The following SH3KBP1 variants were observed in gnomAD, a reference collection of about 807,000 sequenced individuals.
SH3KBP1 encodes the protein SH3 domain containing kinase binding protein 1.
A neutral mutation model predicts 50.1 loss-of-function variants in SH3KBP1; 8 were observed. That is an observed-to-expected ratio of 0.16 (90% CI 0.09 to 0.29). SH3KBP1 has a LOEUF of 0.29. Among genes scored for constraint, SH3KBP1 ranks in the 10% least tolerant of loss-of-function variants. The pLI, the probability that SH3KBP1 is intolerant of heterozygous loss-of-function variation, is 1.00. For synonymous variants in SH3KBP1, 227 were observed against 218.6 expected, an observed-to-expected ratio of 1.04 and a Z score of -0.34; for missense variants, 377 against 535.2, an observed-to-expected ratio of 0.70 and a Z score of 2.92.
intron 13 of SH3KBP1, among the ~76,000 whole-genome samples, chrX:19,551,545 T>A (rs1602434249): frequency 1.0e-5 from 1 of 100,358 alleles, no homozygotes. Flanking sequence ...TTTCCCTCCC[T>A]CCCTCTTTTT....
In SH3KBP1 at chrX:19,695,076, C is replaced by T. The variant is rs763060742; in HGVS notation, c.520+536G>A. 2.7e-5 allele frequency: 31 copies of T among 1,164,524 alleles called. No homozygotes were observed. The African/African-American group carries it at 3.9e-4, about 15-fold the overall frequency. Reference sequence around the variant, plus strand: ...CCTGGAGAAAGAAAGACCTGAAGTTCGTTGTCACCATCGTAGAAGGACACA... The same window carrying T: ...CCTGGAGAAAGAAAGACCTGAAGTTTGTTGTCACCATCGTAGAAGGACACA... On this transcript the variant is annotated intron_variant, in intron 5 of 17. Coordinates refer to ENST00000397821, the MANE Select transcript of SH3KBP1 (RefSeq NM_031892.3).
At chrX:19,759,404 AG>A (rs1485978880) in intron 2 of SH3KBP1, among the ~76,000 whole-genome samples, 1 of 112,015 alleles carries the variant, frequency 8.9e-6, no homozygotes, top group Non-Finnish European at 1.9e-5. Context: ...GACCAGCACG[AG>A]GGCCAACGAT....
chrX:19,755,979 A>G (rs1160083931), intron 2 of SH3KBP1, among the ~76,000 whole-genome samples: 4 of 111,199 alleles, frequency 3.6e-5, no homozygotes, highest in African/African-American at 1.3e-4. Flanking sequence ...AGGGACAGAA[A>G]TTGCTCACTC....
chrX:19,816,406 C>A (rs2067356740), intron 2 of SH3KBP1, among the ~76,000 whole-genome samples: 1 of 112,177 alleles, frequency 8.9e-6, no homozygotes, highest in African/African-American at 3.2e-5. Context: ...ATTCTAGATA[C>A]AAGTCCTTTG....
intron 4 of SH3KBP1, among the ~76,000 whole-genome samples, chrX:19,702,497 A>T (rs2063554211): frequency 9.0e-6 from 1 of 111,322 alleles, no homozygotes; most frequent in Non-Finnish European, 1.9e-5. Context: ...CACCCCAAAA[A>T]GTAACCATAA....
At chrX:19,651,812 T>C (rs1602836238) in intron 6 of SH3KBP1, among the ~76,000 whole-genome samples, 1 of 111,804 alleles carries the variant, frequency 8.9e-6, no homozygotes, top group Middle Eastern at 4.6e-3. Flanking sequence ...GTGGGCAACA[T>C]AGCAAGACCT....
intron 13 of SH3KBP1, among the ~76,000 whole-genome samples, chrX:19,567,868 G>A (rs968386014): frequency 1.8e-5 from 2 of 110,201 alleles, no homozygotes; most frequent in African/African-American, 6.6e-5. Context: ...GACCTTGATA[G>A]GTACAAACAG....
At chrX:19,772,512 A>T (rs2065819374) in intron 2 of SH3KBP1, among the ~76,000 whole-genome samples, 1 of 111,049 alleles carries the variant, frequency 9.0e-6, no homozygotes, top group African/African-American at 3.3e-5. Context: ...TTCGAGGCCT[A>T]ATAAGGGCGA....
At chrX:19,632,006 A>G in intron 7 of SH3KBP1, 48 bp from the exon 8 acceptor site, 1 of 826,210 alleles carries the variant, frequency 1.2e-6, no homozygotes, top group Non-Finnish European at 1.8e-6. Flanking sequence ...TTATCTAATG[A>G]GCTGGCCCAG....
At chrX:19,824,627 T>C (rs1427803155) in intron 2 of SH3KBP1, among the ~76,000 whole-genome samples, 1 of 112,182 alleles carries the variant, frequency 8.9e-6, no homozygotes. Context: ...GATTTTGATC[T>C]GGTAGAAAGC....
intron 1 of SH3KBP1, 79 bp from the exon 2 acceptor site, chrX:19,836,361 T>C (rs2068057224): frequency 1.8e-5 from 15 of 853,961 alleles, no homozygotes; most frequent in Non-Finnish European, 2.4e-5. Context: ...TGAAGGCCAG[T>C]AAAGTAACAT....
At chrX:19,682,314 A>T (rs2063072398) in intron 6 of SH3KBP1, among the ~76,000 whole-genome samples, 1 of 106,154 alleles carries the variant, frequency 9.4e-6, no homozygotes, top group East Asian at 2.9e-4. Context: ...ACTAATATTA[A>T]TAGCAATAAT....
At chrX:19,668,959 TATATATATATATA>T (rs371176783) in intron 6 of SH3KBP1, among the ~76,000 whole-genome samples, 11,344 of 78,630 alleles carry the variant, frequency 0.14, 817 homozygotes, top group African/African-American at 0.16. Flanking sequence ...TATATATATA[TATATATATATATA>T]TATTTTTTGA....
chrX:19,811,009 C>G (rs1255086153), intron 2 of SH3KBP1, among the ~76,000 whole-genome samples: 1 of 112,024 alleles, frequency 8.9e-6, no homozygotes, highest in African/African-American at 3.2e-5. Flanking sequence ...TTACGTGCCA[C>G]CAGAGCCCAA....
chrX:19,600,090 C>T (rs1298145986), intron 9 of SH3KBP1, among the ~76,000 whole-genome samples: 19 of 66,097 alleles, frequency 2.9e-4, no homozygotes, highest in African/African-American at 1.3e-3. Flanking sequence ...GGCGAGACTC[C>T]GTCTCAAAAA....
chrX:19,577,046 C>A (rs985649954), intron 12 of SH3KBP1, among the ~76,000 whole-genome samples: 3 of 112,507 alleles, frequency 2.7e-5, no homozygotes, highest in Non-Finnish European at 5.6e-5. Flanking sequence ...CACATCATGA[C>A]TTCTCCCTCT....
chrX:19,645,161 T>C (rs1332097439), intron 7 of SH3KBP1, among the ~76,000 whole-genome samples: 1 of 111,837 alleles, frequency 8.9e-6, no homozygotes, highest in Non-Finnish European at 1.9e-5. Flanking sequence ...GTGAGATACA[T>C]ATAGCAGGAG....
At chrX:19,782,434 C>T (rs887906692) in intron 2 of SH3KBP1, among the ~76,000 whole-genome samples, 3 of 111,850 alleles carry the variant, frequency 2.7e-5, no homozygotes, top group Non-Finnish European at 5.6e-5. Flanking sequence ...GAAAACTAAC[C>T]TGTCCACCAA....
chrX:19,746,912 TAC>T (rs2064934285), intron 2 of SH3KBP1, among the ~76,000 whole-genome samples: 2 of 112,252 alleles, frequency 1.8e-5, no homozygotes, highest in Admixed American at 1.9e-4. Flanking sequence ...CTAATGCATT[TAC>T]AGTCATCAAG....
Sources: gnomAD v4.1 joint callset for allele counts (sites outside exome capture counted in the v4.1 genomes callset) on GRCh38, gnomAD v4.1.1 for gene constraint, MANE v1.5 for transcripts, NCBI Gene and HGNC (gene_info 2026-07-23, HGNC 2026-07-21) for gene names.